Variants in RELCH observed in about 807,000 individuals in gnomAD.
The protein encoded by RELCH is RAB11 binding and LisH domain, coiled-coil and HEAT repeat containing.
In RELCH, 41 loss-of-function variants were observed where a neutral mutation model predicts 150.3. That is an observed-to-expected ratio of 0.27 (90% confidence interval 0.21 to 0.35). The LOEUF is 0.35. Among genes scored for constraint, RELCH ranks in the 10% least tolerant of loss-of-function variants. The pLI, the probability that RELCH is intolerant of heterozygous loss-of-function variation, is 1.00. For synonymous variants in RELCH, 478 were observed against 531.8 expected (o/e 0.90, Z 1.39); for missense variants, 1,092 against 1,467.8 (o/e 0.74, Z 4.18).
intron 1 of RELCH, among the ~76,000 whole-genome samples, chr18:62,205,578 T>C (rs2039727785): frequency 6.6e-6 from 1 of 152,274 alleles, no homozygotes; most frequent in African/African-American, 2.4e-5. Context: ...GTAGTAGTCC[T>C]GAGTTCAGCA....
rs897449603 is a variant in RELCH at position 62,309,476 on chromosome 18, T to C, written c.*3942T>C. 3 of 152,170 alleles carry C rather than the reference T, an allele frequency of 2.0e-5. No individual in the cohort carries two copies. The highest frequency in any genetic ancestry group is 2.9e-5 in the Non-Finnish European group (2 of 68,030). 9.4% of individuals were successfully genotyped at this position (152,170 alleles called of 1,614,324 possible). On this transcript the variant is annotated 3_prime_UTR_variant, in exon 29 of 29. Coordinates refer to ENST00000644646, the MANE Select transcript of RELCH (RefSeq NM_001346231.2). ...ACTGTTTTGATTGTCTTTTTTGTGG[T>C]TTACTTTGCATGTTTAAGAAAAATC...
At chr18:62,287,818 T>C (rs1250915656) in intron 26 of RELCH, among the ~76,000 whole-genome samples, 2 of 152,184 alleles carry the variant, frequency 1.3e-5, no homozygotes, top group Non-Finnish European at 2.9e-5. Flanking sequence ...CTTGTATATA[T>C]GACTTGGCAT....
intron 2 of RELCH, among the ~76,000 whole-genome samples, chr18:62,219,325 C>CTTTTTTTTTTTTTTTTTTTTCT (rs202196452): frequency 2.7e-5 from 3 of 112,876 alleles, no homozygotes; most frequent in Admixed American, 1.0e-4. Flanking sequence ...TTCTTTTTTT[C>CTTTTTTTTTTTTTTTTTTTTCT]TTTTTTTTTT....
At chr18:62,296,812 AT>A (rs762249122) in intron 27 of RELCH, among the ~76,000 whole-genome samples, 12 of 152,214 alleles carry the variant, frequency 7.9e-5, no homozygotes, top group Non-Finnish European at 1.5e-4. Context: ...GATACAGTGT[AT>A]TACATTAATT....
chr18:62,241,929 G>A (rs1436515700), intron 10 of RELCH, among the ~76,000 whole-genome samples: 2 of 152,132 alleles, frequency 1.3e-5, no homozygotes, highest in Non-Finnish European at 2.9e-5. Flanking sequence ...ACAAATAGAA[G>A]TTATAAATAA....
chr18:62,225,441 AAAGG>A (rs1201578228), intron 5 of RELCH, among the ~76,000 whole-genome samples: 9 of 152,184 alleles, frequency 5.9e-5, no homozygotes, highest in Admixed American at 4.6e-4. Context: ...CATATCTAAT[AAAGG>A]AGTTATATCC....
chr18:62,272,287 A>T (rs922704377), intron 20 of RELCH, among the ~76,000 whole-genome samples: 5 of 152,146 alleles, frequency 3.3e-5, no homozygotes, highest in African/African-American at 9.6e-5. Flanking sequence ...GTGTCCTTGT[A>T]TAATGTGCGA....
intron 24 of RELCH, 37 bp downstream of exon 24, chr18:62,280,746 A>T: frequency 7.4e-7 from 1 of 1,354,776 alleles, no homozygotes; most frequent in Non-Finnish European, 1.1e-6. Context: ...TCTGTGTAAT[A>T]TTGATGTGGT....
rs755204490 is a variant in RELCH at position 62,187,792 on chromosome 18, C to G, written c.287C>G (p.Ala96Gly). 2.5e-6 allele frequency: 4 copies of G among 1,603,142 alleles called. No individual in the cohort carries two copies. Among genetic ancestry groups the G allele is most frequent in the Admixed American group, 1.7e-5 (1 of 57,620 alleles). ...GETPARLSID[A>G]IAAQLLRDQY... Reference sequence around the variant, plus strand: ...ACCCCGGCCCGATTATCAATTGATGCGATCGCTGCTCAGCTGTTGCGCGAT... The same window carrying G: ...ACCCCGGCCCGATTATCAATTGATGGGATCGCTGCTCAGCTGTTGCGCGAT... The change falls in exon 1 of 29, where the codon GCG (alanine) becomes GGG (glycine). Residue 96 changes from alanine (A) to glycine (G), a missense_variant. This residue lies in a region of RELCH where 190 missense variants were observed against 276.2 expected (regional missense o/e 0.69). Coordinates refer to ENST00000644646, the MANE Select transcript of RELCH (RefSeq NM_001346231.2).
intron 11 of RELCH, among the ~76,000 whole-genome samples, chr18:62,245,273 A>G (rs2042345326): frequency 6.6e-6 from 1 of 152,236 alleles, no homozygotes; most frequent in African/African-American, 2.4e-5. Context: ...ACCTGCTATA[A>G]TTACTGACAA....
chr18:62,219,389 C>T (rs1599879890), intron 2 of RELCH, among the ~76,000 whole-genome samples: 1 of 99,042 alleles, frequency 1.0e-5, no homozygotes, highest in Admixed American at 1.4e-4. Context: ...TGCAATTGTT[C>T]TGTAATGTCT....
chr18:62,195,394 T>C (rs891253419), intron 1 of RELCH, among the ~76,000 whole-genome samples: 1 of 151,980 alleles, frequency 6.6e-6, no homozygotes, highest in Non-Finnish European at 1.5e-5. Flanking sequence ...AGATAAAAAT[T>C]GTGGTAATGA....
chr18:62,280,561 A>G lies in RELCH; in HGVS notation c.3051-85A>G, dbSNP rs562548100. Reference sequence around the variant, plus strand: ...TGCTAGAGACTAATACAGTATATTTACCTTGTACTTACTTTAATATACATT... The same window carrying G: ...TGCTAGAGACTAATACAGTATATTTGCCTTGTACTTACTTTAATATACATT... On this transcript the variant is annotated intron_variant, in intron 23 of 28. Transcript: ENST00000644646. The G allele has an allele frequency of 3.1e-6, 4 of 1,288,360 alleles. No individual in the cohort carries two copies. The South Asian group carries it at 3.6e-5, about 12-fold the overall frequency. 79.8% of individuals were successfully genotyped at this position (1,288,360 alleles called of 1,614,324 possible).
chr18:62,277,560 A>G, intron 22 of RELCH: 1 of 802,970 alleles, frequency 1.2e-6, no homozygotes, highest in Non-Finnish European at 1.5e-6. Flanking sequence ...AAAACATAAA[A>G]AAAACACATT....
chr18:62,232,101 T>C (rs1157189628), intron 9 of RELCH, among the ~76,000 whole-genome samples: 1 of 152,008 alleles, frequency 6.6e-6, no homozygotes, highest in Non-Finnish European at 1.5e-5. Flanking sequence ...ATTTTAATGG[T>C]ATTTTAAATC....
At chr18:62,287,303 G>C (rs376736916) in intron 25 of RELCH, 48 bp from the exon 26 acceptor site, 1 of 842,382 alleles carries the variant, frequency 1.2e-6, no homozygotes, top group African/African-American at 1.7e-5. Context: ...TCAGGGTTTT[G>C]TATGCATGTT....
chr18:62,283,579 G>A (rs1457859439), intron 25 of RELCH, among the ~76,000 whole-genome samples: 1 of 152,128 alleles, frequency 6.6e-6, no homozygotes, highest in Non-Finnish European at 1.5e-5. Flanking sequence ...GGACTGCAGT[G>A]TCCAAAAAAT....
rs2044282321 is a variant in RELCH, at chr18:62,277,606, A to G, written c.2967+2133A>G. 1.1e-5 allele frequency: 10 copies of G among 902,132 alleles called. No homozygotes were observed. In the South Asian group the frequency reaches 4.6e-4, roughly 42 times the overall value. The allele number at this position is 902,132 out of a possible 1,614,324, so 55.9% of individuals were successfully genotyped here. A position where few individuals can be genotyped will look rare whatever the true frequency, so the allele number is the denominator to read the frequency against. On this transcript the variant is annotated intron_variant, in intron 22 of 28. Transcript: ENST00000644646. ...AAGGTAAGACCAGAAAGAAAAGAAA[A>G]TGAGAAATGAGAAGAAAATGAGGCA...
chr18:62,276,517 A>C (rs1344199446), intron 22 of RELCH, among the ~76,000 whole-genome samples: 1 of 152,112 alleles, frequency 6.6e-6, no homozygotes, highest in Admixed American at 6.6e-5. Context: ...ATACTTATCC[A>C]AACTAAAATT....
Sources: gnomAD v4.1 joint callset for allele counts (sites outside exome capture counted in the v4.1 genomes callset) on GRCh38, gnomAD v4.1.1 for gene constraint, gnomAD v4.1.1 regional missense constraint, MANE v1.5 for transcripts, NCBI Gene and HGNC (gene_info 2026-07-23, HGNC 2026-07-21) for gene names.